FBXO28: variants seen among roughly 807,000 people sequenced by gnomAD.
The protein encoded by FBXO28 is F-box only protein 28.
A neutral mutation model predicts 38.1 loss-of-function variants in FBXO28; 8 were observed. The observed-to-expected ratio is 0.21, with a 90% CI of 0.12 to 0.38. The LOEUF is 0.38. Ranked by LOEUF, FBXO28 falls within the 10% of genes least tolerant of loss-of-function variation. The pLI, the probability that FBXO28 is intolerant of heterozygous loss-of-function variation, is 1.00. For synonymous variants in FBXO28, 168 were observed against 173.8 expected (o/e 0.97, Z 0.26); for missense variants, 345 against 460.6 (o/e 0.75, Z 2.30).
At chr1:224,133,318 A>T (rs1011509896) in intron 2 of FBXO28, among the ~76,000 whole-genome samples, 12 of 152,298 alleles carry the variant, frequency 7.9e-5, no homozygotes, top group African/African-American at 2.9e-4. Flanking sequence ...TGAGTATACT[A>T]AACACCACTA....
intron 3 of FBXO28, among the ~76,000 whole-genome samples, chr1:224,136,389 A>T (rs1327552013): frequency 6.6e-6 from 1 of 151,908 alleles, no homozygotes; most frequent in Non-Finnish European, 1.5e-5. Context: ...GTTTATGATA[A>T]GTTGTTCTTG....
intron 3 of FBXO28, among the ~76,000 whole-genome samples, chr1:224,147,946 A>G (rs58954846): frequency 0.06 from 9,118 of 152,224 alleles, 850 homozygotes; most frequent in African/African-American, 0.2. Context: ...TAAAACTCTG[A>G]ATGGTAGAAG....
chr1:224,132,370 C>G (rs955341725), intron 2 of FBXO28, among the ~76,000 whole-genome samples: 4 of 152,194 alleles, frequency 2.6e-5, no homozygotes, highest in African/African-American at 9.7e-5. Context: ...ATCAAAACCA[C>G]TACGAGATTT....
At chr1:224,154,588 C>T (rs958614036) in intron 4 of FBXO28, among the ~76,000 whole-genome samples, 3 of 151,652 alleles carry the variant, frequency 2.0e-5, no homozygotes, top group African/African-American at 7.3e-5. Flanking sequence ...GCGGGCGGAT[C>T]ACGAGGTCAG....
intron 3 of FBXO28, among the ~76,000 whole-genome samples, chr1:224,140,983 T>C (rs1348886926): frequency 6.8e-6 from 1 of 147,776 alleles, no homozygotes; most frequent in African/African-American, 2.5e-5. Flanking sequence ...AGAAAAGATA[T>C]GCCAGCCTGG....
At chr1:224,151,555 ATAAG>A (rs1289195073) in intron 3 of FBXO28, among the ~76,000 whole-genome samples, 1 of 152,220 alleles carries the variant, frequency 6.6e-6, no homozygotes, top group African/African-American at 2.4e-5. Context: ...AGCAGCCTAA[ATAAG>A]TAAAGGAGAA....
At chr1:224,140,957 A>AG (rs879905829) in intron 3 of FBXO28, among the ~76,000 whole-genome samples, 1 of 146,210 alleles carries the variant, frequency 6.8e-6, no homozygotes, top group Non-Finnish European at 1.5e-5. Flanking sequence ...AAAAAAAAAA[A>AG]TTATTCTGAG....
At chr1:224,154,030 C>T (rs1010212134) in intron 4 of FBXO28, among the ~76,000 whole-genome samples, 1 of 152,030 alleles carries the variant, frequency 6.6e-6, no homozygotes, top group Non-Finnish European at 1.5e-5. Context: ...CCCAGGAGTT[C>T]AAGGTGAAAA....
chr1:224,127,027 T>C (rs564564530), intron 1 of FBXO28, among the ~76,000 whole-genome samples: 3 of 152,110 alleles, frequency 2.0e-5, no homozygotes, highest in East Asian at 3.9e-4. Flanking sequence ...GTTTTTTTTT[T>C]CCCCACATGA....
rs539627237 is a variant in FBXO28, at chr1:224,152,653, G to A, written c.517-489G>A. ...GCAAGTATGAAGTATGTAACAGGCC[G>A]GGCACAGTGGTTCACACCTGTAATC... On this transcript the variant is annotated intron_variant, in intron 3 of 4. Transcript: ENST00000366862. Among the ~76,000 whole-genome samples, 13 of 152,154 alleles carry A rather than the reference G, an allele frequency of 8.5e-5. No homozygotes were observed. The South Asian group carries it at 1.0e-3, about 12-fold the overall frequency.
rs545972271 is a variant in FBXO28 at position 224,127,018 on chromosome 1, T to G, written c.268-3454T>G. Among the ~76,000 whole-genome samples, 173 of 149,612 alleles carry G rather than the reference T, an allele frequency of 1.2e-3. 1 individual carries two copies. Among genetic ancestry groups the G allele is most frequent in the Admixed American group, 0.011 (171 of 14,922 alleles). ...TTTCTTTCCTTCAATAACATAAAAG[T>G]TTTTTTTTTCCCCACATGAAGTTCA... On this transcript the variant is annotated intron_variant, in intron 1 of 4. Transcript: ENST00000366862.
chr1:224,121,170 CT>C (rs1656762413), intron 1 of FBXO28, among the ~76,000 whole-genome samples: 2 of 152,008 alleles, frequency 1.3e-5, no homozygotes, highest in Admixed American at 6.6e-5. Flanking sequence ...ATCAGGGTTC[CT>C]TTGTTTTAGT....
intron 1 of FBXO28, among the ~76,000 whole-genome samples, chr1:224,121,807 G>A (rs979389164): frequency 2.0e-5 from 3 of 151,726 alleles, no homozygotes; most frequent in East Asian, 1.9e-4. Flanking sequence ...AGTCTCGCTC[G>A]CTCTGTCGCC....
chr1:224,123,442 CAAAAAAA>C (rs10647785), intron 1 of FBXO28, among the ~76,000 whole-genome samples: 3 of 64,294 alleles, frequency 4.7e-5, no homozygotes, highest in African/African-American at 6.3e-5. Context: ...GACCCTGTCT[CAAAAAAA>C]AAAAAAAAAA....
At position 224,145,250 on chromosome 1, in the gene FBXO28, C is replaced by T. The variant is rs182751501; in HGVS notation, c.517-7892C>T. Among the ~76,000 whole-genome samples, 21 of 136,174 alleles carry T rather than the reference C, an allele frequency of 1.5e-4. No individual in the cohort carries two copies. In the East Asian group the frequency reaches 4.2e-3, roughly 27 times the overall value. 89.3% of individuals were successfully genotyped at this position (136,174 alleles called of 152,430 possible). On this transcript the variant is annotated intron_variant, in intron 3 of 4. Transcript: ENST00000366862. ...CAGAGGTTTCAGTGAGCTGAGATCG[C>T]GCCACTGCACTCCAGCCTGGGCAAC... is the stretch of plus-strand genomic sequence containing the variant.
chr1:224,126,898 C>G (rs1182138859), intron 1 of FBXO28, among the ~76,000 whole-genome samples: 1 of 152,176 alleles, frequency 6.6e-6, no homozygotes, highest in Non-Finnish European at 1.5e-5. Flanking sequence ...TCCCCAGAGG[C>G]ACCACTTTCA....
chr1:224,114,201 G>A lies in FBXO28; in HGVS notation c.72G>A (p.Leu24=). 1.4e-5 allele frequency: 22 copies of A among 1,548,812 alleles called. No individual in the cohort carries two copies. Among genetic ancestry groups the A allele is most frequent in the Non-Finnish European group, 1.9e-5 (22 of 1,146,652 alleles). ...GCCAAGGCGACGGCGGTTCCTCTTTGGCCTCCGGCTCTACCCAGCGACAGC... is the reference window on the plus strand; with the variant it reads ...GCCAAGGCGACGGCGGTTCCTCTTTAGCCTCCGGCTCTACCCAGCGACAGC... The part of the protein sequence containing the change: ...GGGQGDGGSS[L]ASGSTQRQPP... The change falls in exon 1 of 5, where the codon TTG becomes TTA. Residue 24 remains leucine, a synonymous_variant. Coordinates refer to ENST00000366862, the MANE Select transcript of FBXO28 (RefSeq NM_015176.4).
chr1:224,151,708 T>C (rs904756022), intron 3 of FBXO28, among the ~76,000 whole-genome samples: 3 of 152,090 alleles, frequency 2.0e-5, no homozygotes, highest in Non-Finnish European at 2.9e-5. Flanking sequence ...TCTTACGAGG[T>C]TAAGGGCCCA....
chr1:224,119,795 T>A (rs10753448), intron 1 of FBXO28, among the ~76,000 whole-genome samples: 1 of 152,250 alleles, frequency 6.6e-6, no homozygotes, highest in South Asian at 2.1e-4. Context: ...GATGTGTAAA[T>A]TATTGAAGTG....
Sources: allele counts gnomAD v4.1 joint callset (sites outside exome capture counted in the v4.1 genomes callset), GRCh38; gene constraint gnomAD v4.1.1; transcripts MANE v1.5; gene names NCBI Gene and HGNC (gene_info 2026-07-23, HGNC 2026-07-21).